AGBL4: variants seen among roughly 807,000 people sequenced by gnomAD.
AGBL4 encodes the protein cytosolic carboxypeptidase 6.
Under a neutral mutation model 66.4 loss-of-function variants are expected in AGBL4, and 58 were observed. The ratio of observed to expected loss-of-function variants is 0.87; its 90% CI spans 0.71 to 1.09. The LOEUF is 1.09. AGBL4 is among the 50% of genes least tolerant of loss of function. The pLI, the probability that AGBL4 is intolerant of heterozygous loss-of-function variation, is 0.00. For synonymous variants in AGBL4, 234 were observed against 222.9 expected, an observed-to-expected ratio of 1.05 and a Z score of -0.44; for missense variants, 579 against 631.0, an observed-to-expected ratio of 0.92 and a Z score of 0.88.
At chr1:48,887,384 T>C (rs968160368) in intron 5 of AGBL4, among the ~76,000 whole-genome samples, 2 of 152,102 alleles carry the variant, frequency 1.3e-5, no homozygotes, top group Non-Finnish European at 2.9e-5. Flanking sequence ...TGTCAGAAGC[T>C]GTAGACAGTG....
chr1:49,378,054 C>T (rs1193120017), intron 3 of AGBL4, among the ~76,000 whole-genome samples: 1 of 146,272 alleles, frequency 6.8e-6, no homozygotes, highest in Non-Finnish European at 1.5e-5. Flanking sequence ...TGCCATGTCT[C>T]CCAACACAAA....
At chr1:49,900,340 G>A (rs980699138) in intron 1 of AGBL4, among the ~76,000 whole-genome samples, 26 of 151,934 alleles carry the variant, frequency 1.7e-4, no homozygotes, top group African/African-American at 6.0e-4. Flanking sequence ...CTGCCTCCCA[G>A]GTTCAAGCGA....
chr1:48,685,648 G>A (rs1646519868), intron 6 of AGBL4, among the ~76,000 whole-genome samples: 1 of 152,170 alleles, frequency 6.6e-6, no homozygotes, highest in South Asian at 2.1e-4. Context: ...CTACCTTGAA[G>A]GACTCTTATG....
chr1:49,793,450 T>G (rs962432260), intron 2 of AGBL4, among the ~76,000 whole-genome samples: 1 of 151,986 alleles, frequency 6.6e-6, no homozygotes, highest in Non-Finnish European at 1.5e-5. Flanking sequence ...TGGAGTAGAA[T>G]AATAATAATA....
chr1:48,533,156 G>A lies in AGBL4; in HGVS notation c.*1017C>T, dbSNP rs1643918403. On this transcript the variant is annotated 3_prime_UTR_variant, in exon 14 of 14. Transcript: ENST00000371839. ...TGTGTTCTAATCCTCATTTCCGGGAGGTCATTTTAATTAGCAGGCTGTCAT... is the reference window on the plus strand; with the variant it reads ...TGTGTTCTAATCCTCATTTCCGGGAAGTCATTTTAATTAGCAGGCTGTCAT... 6.6e-6 allele frequency: 1 copy of A among 152,102 alleles called. No individual in the cohort carries two copies. The highest frequency in any genetic ancestry group is 1.5e-5 in the Non-Finnish European group (1 of 68,030). The allele number at this position is 152,102 out of a possible 1,614,324, so 9.4% of individuals were successfully genotyped here.
At chr1:48,596,256 T>C (rs1007799502) in intron 9 of AGBL4, among the ~76,000 whole-genome samples, 3 of 152,036 alleles carry the variant, frequency 2.0e-5, no homozygotes, top group Admixed American at 2.0e-4. Context: ...AGCTGAAGGA[T>C]TGTGGGGATC....
At chr1:49,512,774 A>C (rs1288196088) in intron 3 of AGBL4, among the ~76,000 whole-genome samples, 1 of 151,934 alleles carries the variant, frequency 6.6e-6, no homozygotes, top group South Asian at 2.1e-4. Flanking sequence ...TAATTATATA[A>C]TTCTTTCCAG....
chr1:48,736,821 C>A lies in AGBL4; in HGVS notation c.635-73580G>T, dbSNP rs1317305741. 6.6e-6 allele frequency among the ~76,000 whole-genome samples: 1 copy of A among 152,200 alleles called. No individual in the cohort carries two copies. Among genetic ancestry groups the A allele is most frequent in the African/African-American group, 2.4e-5 (1 of 41,442 alleles). Reference sequence around the variant, plus strand: ...ACACTATACTTAGTTTATCACAAGGCTGCTCAGAGCCTTACCAAATCTCAG... The same window carrying A: ...ACACTATACTTAGTTTATCACAAGGATGCTCAGAGCCTTACCAAATCTCAG... On this transcript the variant is annotated intron_variant, in intron 6 of 13. Transcript: ENST00000371839. This position sits in a 1 kb window ranked among gnomAD's most constrained non-coding sequence, Gnocchi z 4.0.
chr1:49,498,428 T>C (rs1437968178), intron 3 of AGBL4, among the ~76,000 whole-genome samples: 2 of 151,914 alleles, frequency 1.3e-5, no homozygotes, highest in African/African-American at 4.8e-5. Context: ...GATTATGCAG[T>C]ATTTGTCTTT....
At chr1:49,554,027 G>C (rs1167612687) in intron 3 of AGBL4, among the ~76,000 whole-genome samples, 1 of 152,054 alleles carries the variant, frequency 6.6e-6, no homozygotes, top group Non-Finnish European at 1.5e-5. Flanking sequence ...ATCTACTCAG[G>C]AAACCTGAGG....
intron 6 of AGBL4, among the ~76,000 whole-genome samples, chr1:48,709,062 C>T (rs892418551): frequency 2.0e-5 from 3 of 152,312 alleles, no homozygotes; most frequent in East Asian, 1.9e-4. Context: ...TTCTCCTCTC[C>T]GGCCTCTGGG....
intron 3 of AGBL4, among the ~76,000 whole-genome samples, chr1:49,585,718 A>G: frequency 6.6e-6 from 1 of 152,206 alleles, no homozygotes; most frequent in Non-Finnish European, 1.5e-5. Flanking sequence ...ATTTTAAGTC[A>G]CTAAATTTGT....
At chr1:49,751,355 T>C (rs944783342) in intron 2 of AGBL4, among the ~76,000 whole-genome samples, 5 of 152,218 alleles carry the variant, frequency 3.3e-5, no homozygotes, top group African/African-American at 1.2e-4. Context: ...GTTTTTGACA[T>C]TGGTTCTGTT....
chr1:49,501,513 T>G (rs1648147200), intron 3 of AGBL4, among the ~76,000 whole-genome samples: 2 of 145,030 alleles, frequency 1.4e-5, no homozygotes. Context: ...TTCTTTCATT[T>G]ATAATTTTAT....
At chr1:49,865,159 A>G (rs78908929) in intron 1 of AGBL4, among the ~76,000 whole-genome samples, 12,425 of 152,182 alleles carry the variant, frequency 0.082, 719 homozygotes, top group African/African-American at 0.17. Flanking sequence ...TGTAAATCAG[A>G]GGACTTAAGT....
At chr1:49,546,759 T>C (rs1652523606) in intron 3 of AGBL4, among the ~76,000 whole-genome samples, 1 of 152,212 alleles carries the variant, frequency 6.6e-6, no homozygotes, top group African/African-American at 2.4e-5. Context: ...TGATCATTAG[T>C]CATATTGTGC....
chr1:49,176,257 T>C (rs1282588484), intron 4 of AGBL4, among the ~76,000 whole-genome samples: 1 of 152,184 alleles, frequency 6.6e-6, no homozygotes, highest in Non-Finnish European at 1.5e-5. Context: ...GATTATTAAC[T>C]GTATTCAAGG....
chr1:49,080,357 A>G (rs1644788059), intron 4 of AGBL4, among the ~76,000 whole-genome samples: 1 of 152,176 alleles, frequency 6.6e-6, no homozygotes, highest in African/African-American at 2.4e-5. Context: ...TAAAGAGAAA[A>G]GGGAAAGAGG....
At chr1:49,933,334 G>T (rs1366388990) in intron 1 of AGBL4, among the ~76,000 whole-genome samples, 1 of 151,912 alleles carries the variant, frequency 6.6e-6, no homozygotes, top group Non-Finnish European at 1.5e-5. Context: ...CAAAAATGAA[G>T]AGATAGAGGT....
Sources: gnomAD v4.1 joint callset for allele counts (sites outside exome capture counted in the v4.1 genomes callset) on GRCh38, gnomAD v4.1.1 for gene constraint, Gnocchi (gnomAD v3.1) non-coding constraint, MANE v1.5 for transcripts, NCBI Gene and HGNC (gene_info 2026-07-23, HGNC 2026-07-21) for gene names.